The following ZNF544 variants were observed in gnomAD, a reference collection of about 807,000 sequenced individuals.
ZNF544 encodes zinc finger protein AF020591.
A neutral mutation model predicts 13.5 loss-of-function variants in ZNF544; 10 were observed. The ratio of observed to expected loss-of-function variants is 0.74; its 90% CI spans 0.46 to 1.25. The LOEUF (loss-of-function observed/expected upper bound fraction) is 1.25. Among genes scored for constraint, ZNF544 ranks in the 50% most tolerant of loss-of-function variants. The pLI is 0.00. For missense variants in ZNF544, 896 were observed against 845.6 expected, an observed-to-expected ratio of 1.06 and a Z score of -0.74; for synonymous variants, 323 against 300.5, an observed-to-expected ratio of 1.07 and a Z score of -0.77.
In ZNF544 at chr19:58,261,360, A is replaced by C; in HGVS notation, c.754A>C (p.Asn252His). 6.2e-7 allele frequency: 1 copy of C among 1,614,180 alleles called. No homozygotes were observed. The highest frequency in any genetic ancestry group is 8.5e-7 in the Non-Finnish European group (1 of 1,180,038). The change falls in exon 7 of 7, where the codon AAC (asparagine) becomes CAC (histidine). Residue 252 changes from asparagine (N) to histidine (H), a missense_variant. Physicochemically the swap from Asn to His is moderately conservative, Grantham distance 68 (BLOSUM62 1). Coordinates refer to ENST00000687789, the MANE Select transcript of ZNF544 (RefSeq NM_014480.4). The part of the protein sequence containing the change: ...YEYIVSGDSL[N>H]YGSSLCFHGR... ...ATATATTGTCAGTGGTGACTCTCTCAACTATGGTTCCTCCCTTTGTTTTCA... is the reference window on the plus strand; with the variant it reads ...ATATATTGTCAGTGGTGACTCTCTCCACTATGGTTCCTCCCTTTGTTTTCA...
chr19:58,241,179 A>ATATATATT lies in ZNF544; in HGVS notation c.-59-2785_-59-2784insATATATTT, dbSNP rs1181835768. Among the ~76,000 whole-genome samples, 4 of 72,764 alleles carry ATATATATT rather than the reference A, an allele frequency of 5.5e-5. No individual in the cohort carries two copies. In the East Asian group the frequency reaches 1.6e-3, roughly 29 times the overall value. 47.7% of individuals were successfully genotyped at this position (72,764 alleles called of 152,430 possible). On this transcript the variant is annotated intron_variant, in intron 3 of 6. Transcript: ENST00000687789. Reference sequence around the variant, plus strand: ...TATATTTAAATATATATATATATATATTTTTTTTTTTTTGTAGAGATAGGG... The same window carrying ATATATATT: ...TATATTTAAATATATATATATATATATATATATTTTTTTTTTTTTTTGTAGAGATAGGG...
intron 3 of ZNF544, among the ~76,000 whole-genome samples, chr19:58,240,032 T>C (rs1472483141): frequency 1.3e-5 from 2 of 152,094 alleles, no homozygotes; most frequent in Non-Finnish European, 2.9e-5. Flanking sequence ...CAAACGACCA[T>C]GTGGACCAGG....
intron 3 of ZNF544, chr19:58,242,091 C>A: frequency 7.2e-6 from 2 of 277,620 alleles, no homozygotes; most frequent in Non-Finnish European, 5.5e-6. Context: ...AGGCCTCAGG[C>A]ACCAGAAGTG....
chr19:58,238,778 C>T (rs531035574), intron 3 of ZNF544, among the ~76,000 whole-genome samples: 81 of 151,906 alleles, frequency 5.3e-4, no homozygotes, highest in African/African-American at 1.9e-3. Context: ...AGATCCTCAA[C>T]GTGGGTCTTT....
chr19:58,232,220 C>T (rs2041390540), intron 3 of ZNF544, among the ~76,000 whole-genome samples: 1 of 151,990 alleles, frequency 6.6e-6, no homozygotes, highest in African/African-American at 2.4e-5. Flanking sequence ...GTCAGATGAT[C>T]CAGGCTTTGA....
At chr19:58,267,866 A>C (rs1020332109), downstream of ZNF544, among the ~76,000 whole-genome samples, 3 of 151,234 alleles carry the variant, frequency 2.0e-5, no homozygotes, top group Non-Finnish European at 4.4e-5. Flanking sequence ...CTGTAGTCCC[A>C]GCTACTCGGG....
At chr19:58,255,758 T>G (rs2047174543) in intron 6 of ZNF544, among the ~76,000 whole-genome samples, 1 of 152,240 alleles carries the variant, frequency 6.6e-6, no homozygotes, top group African/African-American at 2.4e-5. Context: ...CTGGATGAGC[T>G]GCCGCTGCCA....
At chr19:58,276,264 C>G in intron 5 of ZNF544, 1 of 890,102 alleles carries the variant, frequency 1.1e-6, no homozygotes, top group Non-Finnish European at 1.5e-6. Context: ...CTCTCCAACA[C>G]TGGTGGCCAC....
chr19:58,269,098 A>G (rs965111004), intron 5 of ZNF544, among the ~76,000 whole-genome samples: 5 of 152,320 alleles, frequency 3.3e-5, no homozygotes, highest in African/African-American at 1.2e-4. Flanking sequence ...ATCAGAATTA[A>G]TAAGACCCAT....
At chr19:58,268,025 C>T (rs1042128111), downstream of ZNF544, among the ~76,000 whole-genome samples, 2 of 149,262 alleles carry the variant, frequency 1.3e-5, no homozygotes, top group South Asian at 2.1e-4. Flanking sequence ...ACAGACTGGG[C>T]GTAGTGGCTC....
chr19:58,262,139 G>A lies in ZNF544; in HGVS notation c.1533G>A (p.Gln511=), dbSNP rs201105161. The change falls in exon 7 of 7, where the codon CAG becomes CAA. Residue 511 remains glutamine (Q), a synonymous_variant. Transcript: ENST00000687789. ...AGAAGTATGACCTTGTTGTACATCA[G>A]AGGACACACACTGGAGAGAAGCCCT... The part of the protein sequence containing the change: ...FSQKYDLVVH[Q]RTHTGEKPYE... 706 of 1,613,450 alleles carry A rather than the reference G, an allele frequency of 4.4e-4. 14 individuals carry two copies. In the South Asian group the frequency reaches 7.3e-3, roughly 17 times the overall value.
chr19:58,273,680 ACT>A (rs1443878823), intron 5 of ZNF544, among the ~76,000 whole-genome samples: 5 of 137,442 alleles, frequency 3.6e-5, no homozygotes, highest in Non-Finnish European at 7.8e-5. Context: ...ACAGAGTGAG[ACT>A]CTGTCTCAAA....
intron 6 of ZNF544, among the ~76,000 whole-genome samples, chr19:58,249,703 A>T (rs777056521): frequency 6.6e-6 from 1 of 152,144 alleles, no homozygotes; most frequent in African/African-American, 2.4e-5. Context: ...CCTCTAGAAA[A>T]AGACCTAAGC....
chr19:58,229,162 G>C (rs886591313), intron 1 of ZNF544: 10 of 152,410 alleles, frequency 6.6e-5, no homozygotes, highest in African/African-American at 2.4e-4. Context: ...GGCCGGTCCA[G>C]TCAGGTTTCC....
chr19:58,277,393 C>A, exon 7 of ZNF544: 1 of 525,162 alleles, frequency 1.9e-6, no homozygotes, highest in Non-Finnish European at 2.9e-6. Flanking sequence ...TCTTCAGTCC[C>A]TCAGACTACA....
chr19:58,245,609 C>A (rs1228667301), intron 4 of ZNF544, among the ~76,000 whole-genome samples: 1 of 152,204 alleles, frequency 6.6e-6, no homozygotes, highest in Non-Finnish European at 1.5e-5. Context: ...CAATCACCTT[C>A]TTCAACAGTC....
chr19:58,240,956 C>T (rs1207673752), intron 3 of ZNF544, among the ~76,000 whole-genome samples: 2 of 149,164 alleles, frequency 1.3e-5, no homozygotes, highest in Non-Finnish European at 3.0e-5. Context: ...CTTTCTCCTT[C>T]TCTTTTCTTT....
At chr19:58,273,417 A>G (rs543254315) in intron 5 of ZNF544, among the ~76,000 whole-genome samples, 81 of 150,570 alleles carry the variant, frequency 5.4e-4, no homozygotes, top group African/African-American at 1.3e-3. Flanking sequence ...TAGGCCGGGA[A>G]CGATGGCTCA....
intron 5 of ZNF544, among the ~76,000 whole-genome samples, chr19:58,269,481 C>G (rs867379992): frequency 1.3e-5 from 2 of 149,150 alleles, no homozygotes; most frequent in African/African-American, 5.0e-5. Context: ...CATGGTGGCT[C>G]ACACCTGTAA....
Sources: gnomAD v4.1 joint callset for allele counts (sites outside exome capture counted in the v4.1 genomes callset) on GRCh38, gnomAD v4.1.1 for gene constraint, MANE v1.5 for transcripts, NCBI Gene and HGNC (gene_info 2026-07-23, HGNC 2026-07-21) for gene names.